SPECC1L: variants seen among roughly 807,000 people sequenced by gnomAD.
SPECC1L encodes sperm antigen with calponin homology and coiled-coil domains 1 like.
A neutral mutation model predicts 116.8 loss-of-function variants in SPECC1L; 40 were observed. The ratio of observed to expected loss-of-function variants is 0.34; its 90% CI spans 0.27 to 0.45. The LOEUF is 0.45. Among genes scored for constraint, SPECC1L ranks in the 20% least tolerant of loss-of-function variants. The pLI is 1.00. For missense variants in SPECC1L, 1,110 were observed against 1,373.6 expected (o/e 0.81, Z 3.03); for synonymous variants, 504 against 500.6 (o/e 1.01, Z -0.09).
At chr22:24,386,524 T>C (rs1229429886) in intron 14 of SPECC1L, among the ~76,000 whole-genome samples, 3 of 152,158 alleles carry the variant, frequency 2.0e-5, no homozygotes, top group African/African-American at 7.2e-5. Flanking sequence ...TAGGAAATAC[T>C]AACAAAGATG....
At chr22:24,327,613 A>T (rs1458670962) in intron 6 of SPECC1L, among the ~76,000 whole-genome samples, 1 of 152,140 alleles carries the variant, frequency 6.6e-6, no homozygotes, top group Non-Finnish European at 1.5e-5. Context: ...GTTTTCCCTA[A>T]TGATAAATCG....
chr22:24,288,805 T>A (rs1210437800), intron 2 of SPECC1L, among the ~76,000 whole-genome samples: 2 of 151,964 alleles, frequency 1.3e-5, no homozygotes, highest in African/African-American at 4.8e-5. Flanking sequence ...TTTGTACTTT[T>A]AGTAGAGACG....
intron 4 of SPECC1L, among the ~76,000 whole-genome samples, chr22:24,319,154 C>T (rs1035310534): frequency 6.6e-6 from 1 of 152,112 alleles, no homozygotes; most frequent in Non-Finnish European, 1.5e-5. Flanking sequence ...CTGTATTAGT[C>T]CATTCTCATG....
At chr22:24,326,504 G>A (rs968439659) in intron 6 of SPECC1L, among the ~76,000 whole-genome samples, 1 of 152,130 alleles carries the variant, frequency 6.6e-6, no homozygotes, top group African/African-American at 2.4e-5. Flanking sequence ...AGATTAGATG[G>A]CCTGTTTGAC....
intron 2 of SPECC1L, among the ~76,000 whole-genome samples, chr22:24,300,603 A>G (rs957209169): frequency 5.3e-5 from 8 of 152,206 alleles, no homozygotes; most frequent in African/African-American, 1.9e-4. Flanking sequence ...GTGTAAAAGC[A>G]TTCCTATTTC....
At chr22:24,387,039 A>G (rs1393253322) in intron 14 of SPECC1L, among the ~76,000 whole-genome samples, 1 of 152,254 alleles carries the variant, frequency 6.6e-6, no homozygotes, top group Non-Finnish European at 1.5e-5. Context: ...CAGAGAAACA[A>G]GAACACTTGC....
intron 2 of SPECC1L, among the ~76,000 whole-genome samples, chr22:24,288,380 GA>G (rs1360898080): frequency 6.6e-6 from 1 of 151,990 alleles, no homozygotes; most frequent in African/African-American, 2.4e-5. Flanking sequence ...ATGTGTACAG[GA>G]AGTGCCAAAT....
intron 14 of SPECC1L, among the ~76,000 whole-genome samples, chr22:24,406,342 G>A (rs551083397): frequency 6.6e-6 from 1 of 152,298 alleles, no homozygotes; most frequent in Admixed American, 6.5e-5. Context: ...ATCAGGGGAG[G>A]AGTGCTCAGC....
At chr22:24,371,867 G>A (rs1245545782) in intron 14 of SPECC1L, among the ~76,000 whole-genome samples, 7 of 152,134 alleles carry the variant, frequency 4.6e-5, no homozygotes, top group Non-Finnish European at 8.8e-5. Flanking sequence ...GATTACAAAC[G>A]TGTGCTATCA....
intron 2 of SPECC1L, among the ~76,000 whole-genome samples, chr22:24,282,701 T>C (rs952950271): frequency 1.4e-4 from 22 of 152,140 alleles, no homozygotes; most frequent in African/African-American, 5.1e-4. Flanking sequence ...TTGTTTAGTG[T>C]TTTTCTGTGT....
In SPECC1L at chr22:24,358,147, C is replaced by G. The variant is rs547499804; in HGVS notation, c.2744-5114C>G. Among the ~76,000 whole-genome samples, 31 of 145,550 alleles carry G rather than the reference C, an allele frequency of 2.1e-4. No homozygotes were observed. The South Asian group carries it at 4.3e-3, about 20-fold the overall frequency. ...TTTTTTTTTTTGAGGCAGAGTCTCA[C>G]TCTGTCACCCAGGTTGGAGTGCAGT... On this transcript the variant is annotated intron_variant, in intron 11 of 16. Coordinates refer to ENST00000314328, the MANE Select transcript of SPECC1L (RefSeq NM_015330.6).
intron 3 of SPECC1L, among the ~76,000 whole-genome samples, chr22:24,306,972 G>A (rs1174493481): frequency 6.6e-6 from 1 of 152,204 alleles, no homozygotes; most frequent in Non-Finnish European, 1.5e-5. Context: ...GTTGCAGCAT[G>A]TGTCAGAATT....
intron 14 of SPECC1L, among the ~76,000 whole-genome samples, chr22:24,398,608 G>T (rs575663033): frequency 1.1e-4 from 16 of 152,298 alleles, no homozygotes; most frequent in African/African-American, 3.8e-4. Context: ...CTCAGAGAAG[G>T]CTTCTGAACA....
At chr22:24,315,126 C>G (rs906098011) in intron 4 of SPECC1L, among the ~76,000 whole-genome samples, 2 of 152,246 alleles carry the variant, frequency 1.3e-5, no homozygotes, top group Middle Eastern at 3.2e-3. Flanking sequence ...TTTCTGTCAT[C>G]GTAATTTAGG....
chr22:24,396,886 A>G (rs1211423561), intron 14 of SPECC1L, among the ~76,000 whole-genome samples: 1 of 152,198 alleles, frequency 6.6e-6, no homozygotes, highest in Admixed American at 6.5e-5. Flanking sequence ...ATGTAAAACA[A>G]AACCCAAAAA....
chr22:24,324,250 G>T lies in SPECC1L; in HGVS notation c.1969G>T (p.Glu657Ter), dbSNP rs779734266. ...GGATGAATACCGAGCCTTCCAAGAA[G>T]AAGCTAAGAAACAAATTGAAGATTT... ...VEDEYRAFQE[E>*]AKKQIEDLNM... Residue 657 changes from glutamate (E) to a stop codon, truncating the protein, a stop_gained, in exon 6 of 17, where the codon GAA (glutamate) becomes TAA (stop). Transcript: ENST00000314328. LOFTEE classifies it high-confidence loss of function. 1.2e-6 allele frequency: 2 copies of T among 1,613,872 alleles called. No homozygotes were observed. The highest frequency in any genetic ancestry group is 2.7e-5 in the African/African-American group (2 of 74,914).
At chr22:24,411,223 G>GT (rs1199331271) in intron 14 of SPECC1L, among the ~76,000 whole-genome samples, 1 of 57,446 alleles carries the variant, frequency 1.7e-5, no homozygotes, top group East Asian at 6.8e-4. Flanking sequence ...AAACAAAAAA[G>GT]GGGGGGTCAT....
intron 14 of SPECC1L, among the ~76,000 whole-genome samples, chr22:24,375,923 C>T (rs1251091841): frequency 6.6e-6 from 1 of 151,912 alleles, no homozygotes; most frequent in African/African-American, 2.4e-5. Context: ...GCACTCCAGC[C>T]TGGGTGACAG....
chr22:24,281,204 A>G (rs529068231), intron 2 of SPECC1L, among the ~76,000 whole-genome samples: 56 of 152,362 alleles, frequency 3.7e-4, no homozygotes, highest in Non-Finnish European at 6.0e-4. Flanking sequence ...TCACTATGGA[A>G]AATTTCAAAC....
Sources: allele counts gnomAD v4.1 joint callset (sites outside exome capture counted in the v4.1 genomes callset), GRCh38; gene constraint gnomAD v4.1.1; transcripts MANE v1.5; gene names NCBI Gene and HGNC (gene_info 2026-07-23, HGNC 2026-07-21).